ASGR1: variants seen among roughly 807,000 people sequenced by gnomAD.
ASGR1 encodes C-type lectin domain family 4 member H1.
ASGR1 carries 35 observed loss-of-function variants against 33.1 expected under a neutral mutation model. The ratio of observed to expected loss-of-function variants is 1.06; its 90% CI spans 0.81 to 1.40. ASGR1 has a LOEUF of 1.40. Among genes scored for constraint, ASGR1 ranks in the 40% most tolerant of loss-of-function variants. The pLI, the probability that ASGR1 is intolerant of heterozygous loss-of-function variation, is 0.00. For synonymous variants in ASGR1, 142 were observed against 152.5 expected (o/e 0.93, Z 0.51); for missense variants, 396 against 373.7 (o/e 1.06, Z -0.49).
Position 7,173,886 on chromosome 17 carries a change from G to A in ASGR1, c.702-53C>T. The A allele has an allele frequency of 6.2e-7, 1 of 1,607,674 alleles. No homozygotes were observed. ...AGGAGGTCGGATCCGCAGGCGGGTC[G>A]CTCCAGACTCCTCAGCCCAGGGCCC... On this transcript the variant is annotated intron_variant, in intron 8 of 8. Coordinates refer to ENST00000269299, the MANE Select transcript of ASGR1 (RefSeq NM_001671.5). The surrounding 1 kb of genome is among the most constrained non-coding windows in gnomAD (Gnocchi z 4.7).
In ASGR1 at chr17:7,173,600, A is replaced by T. The variant is rs1445416333; in HGVS notation, c.*59T>A. On this transcript the variant is annotated 3_prime_UTR_variant, in exon 9 of 9. Transcript: ENST00000269299. This position sits in a 1 kb window ranked among gnomAD's most constrained non-coding sequence, Gnocchi z 4.7. ...TCCCGAGAAAGCAGAAGAGGCCCCC[A>T]GATGGGCGGATTCCCAATCCCGGAC... 6.2e-6 allele frequency: 10 copies of T among 1,605,464 alleles called. No homozygotes were observed. The Admixed American group carries it at 1.5e-4, about 24-fold the overall frequency.
rs112059971 is a variant in ASGR1, at chr17:7,178,589, C to A, written c.-25-1G>T. 7.5e-6 allele frequency: 12 copies of A among 1,609,658 alleles called. No individual in the cohort carries two copies. The Admixed American group carries it at 1.7e-4, about 22-fold the overall frequency. ...GATAGGGCTGGCGCTGGACCTGGGA[C>A]TGAGTCAAGACTGAGGCTGGGGCTG... On this transcript the variant is annotated splice_acceptor_variant, in intron 1 of 8. Transcript: ENST00000269299. LOFTEE classifies it low-confidence loss of function (5UTR_SPLICE).
rs1267248033 is a variant in ASGR1 at position 7,174,158 on chromosome 17, C to T, written c.574G>A (p.Val192Ile). The T allele has an allele frequency of 1.9e-6, 3 of 1,614,096 alleles. No individual in the cohort carries two copies. Among genetic ancestry groups the T allele is most frequent in the South Asian group, 2.2e-5 (2 of 91,078 alleles). ...CRLEDAHLVV[V>I]TSWEEQKFVQ... The stretch of plus-strand genomic sequence containing the variant: ...CTCACCTGCTCCTCCCAGGACGTGA[C>T]CACCACCAGGTGCGCGTCCTCCAGC... Residue 192 changes from valine (V) to isoleucine (I), a missense_variant, in exon 7 of 9, where the codon GTC becomes ATC. Transcript: ENST00000269299.
Position 7,176,704 on chromosome 17 carries a change from T to TCA in ASGR1, c.355+124_355+125dup, listed in dbSNP as rs113815158. 1,545 of 1,335,916 alleles carry TCA rather than the reference T, an allele frequency of 1.2e-3. 3 individuals are homozygous for TCA. Among genetic ancestry groups the TCA allele is most frequent in the Admixed American group, 2.7e-3 (136 of 50,262 alleles). 82.8% of individuals were successfully genotyped at this position (1,335,916 alleles called of 1,614,324 possible). On this transcript the variant is annotated intron_variant, in intron 5 of 8. Coordinates refer to ENST00000269299, the MANE Select transcript of ASGR1 (RefSeq NM_001671.5). ...CTCCCCCTCATTCTCACACACAGACTCACACACACACACACTCCCTCTCAT... is the reference window on the plus strand; with the variant it reads ...CTCCCCCTCATTCTCACACACAGACTCACACACACACACACACTCCCTCTCAT...
Position 7,173,807 on chromosome 17 carries a change from T to C in ASGR1, c.728A>G (p.Asp243Gly). 2 of 1,611,436 alleles carry C rather than the reference T, an allele frequency of 1.2e-6. No homozygotes were observed. The highest frequency in any genetic ancestry group is 1.7e-6 in the Non-Finnish European group (2 of 1,179,542). The change falls in exon 9 of 9, where the codon GAC becomes GGC. Residue 243 changes from aspartate (D) to glycine (G), a missense_variant. Physicochemically the swap from Asp to Gly is moderately conservative, Grantham distance 94. Transcript: ENST00000269299. This position sits in a 1 kb window ranked among gnomAD's most constrained non-coding sequence, Gnocchi z 4.7. ...TCCTCCGAGCCCGTGGCCGTACCAG[T>C]CGTCCGGCTGCTCCGGCCTCCAGTT... ...FKNWRPEQPD[D>G]WYGHGLGGGE... is the part of the protein sequence containing the mutation.
At chr17:7,175,011 TACAC>T (rs886677547) in intron 5 of ASGR1, among the ~76,000 whole-genome samples, 2 of 127,114 alleles carry the variant, frequency 1.6e-5, no homozygotes, top group Admixed American at 8.0e-5. Flanking sequence ...CTAACTCACA[TACAC>T]ACTCACACAA....
At chr17:7,176,718 ACT>A (rs1177222137) in intron 5 of ASGR1, 110 bp downstream of exon 5, 9 of 1,442,810 alleles carry the variant, frequency 6.2e-6, no homozygotes, top group Non-Finnish European at 7.6e-6. Flanking sequence ...ACACACACAC[ACT>A]CCCTCTCATT....
intron 2 of ASGR1, 137 bp downstream of exon 2, chr17:7,178,357 A>G: frequency 1.1e-6 from 1 of 920,224 alleles, no homozygotes; most frequent in Non-Finnish European, 1.7e-6. Flanking sequence ...GGCAGTTCCG[A>G]CACCTTTCCC....
Position 7,176,750 on chromosome 17 carries a change from A to T in ASGR1, c.355+80T>A, listed in dbSNP as rs12945299. Reference sequence around the variant, plus strand: ...CTCATTCTCACACACATCCACACACACTCACACTTTCTCACACACATCCAC... The same window carrying T: ...CTCATTCTCACACACATCCACACACTCTCACACTTTCTCACACACATCCAC... On this transcript the variant is annotated intron_variant, in intron 5 of 8. Coordinates refer to ENST00000269299, the MANE Select transcript of ASGR1 (RefSeq NM_001671.5). 5.1e-6 allele frequency: 8 copies of T among 1,558,380 alleles called. No homozygotes were observed. The East Asian group carries it at 1.4e-4, about 26-fold the overall frequency.
chr17:7,176,536 C>CA (rs1214527348), intron 5 of ASGR1: 6 of 528,698 alleles, frequency 1.1e-5, no homozygotes, highest in East Asian at 3.4e-5. Context: ...CCCACACACA[C>CA]ACCATCTCAT....
chr17:7,176,409 ACT>A (rs2069209172), intron 5 of ASGR1, among the ~76,000 whole-genome samples: 1 of 144,998 alleles, frequency 6.9e-6, no homozygotes, highest in South Asian at 2.2e-4. Context: ...TCATTATCAC[ACT>A]CACAGACACA....
At chr17:7,174,486 G>T in intron 5 of ASGR1, 26 bp from the exon 6 acceptor site, 2 of 1,603,756 alleles carry the variant, frequency 1.2e-6, no homozygotes, top group African/African-American at 1.3e-5. Flanking sequence ...GGAGGGGAGC[G>T]GGAGGAGATG....
rs765939894 is a variant in ASGR1, at chr17:7,174,077, G to A, written c.595-10C>T. 3.7e-6 allele frequency: 6 copies of A among 1,614,220 alleles called. No homozygotes were observed. Among genetic ancestry groups the A allele is most frequent in the Non-Finnish European group, 5.1e-6 (6 of 1,180,010 alleles). The stretch of plus-strand genomic sequence containing the variant: ...GGTGCTGGACAAATTTCTGAGGAGA[G>A]AGAAGGCGGGTGGTGATCTCTCCGA... On this transcript the variant is annotated splice_polypyrimidine_tract_variant and intron_variant, in intron 7 of 8. Transcript: ENST00000269299.
chr17:7,177,546 C>G lies in ASGR1; in HGVS notation c.71-220G>C, dbSNP rs143171800. Reference sequence around the variant, plus strand: ...GGGGCTAAGCGCTGAGCCGCCCCATCCCACCGAGGCCCTGAGCTTTTGCTG... The same window carrying G: ...GGGGCTAAGCGCTGAGCCGCCCCATGCCACCGAGGCCCTGAGCTTTTGCTG... On this transcript the variant is annotated intron_variant, in intron 2 of 8. Transcript: ENST00000269299. The G allele has an allele frequency of 1.1e-3, 563 of 524,900 alleles. 2 individuals are homozygous for G. Among genetic ancestry groups the G allele is most frequent in the African/African-American group, 0.01 (522 of 51,858 alleles). 32.5% of individuals were successfully genotyped at this position (524,900 alleles called of 1,614,324 possible). A position where few individuals can be genotyped will look rare whatever the true frequency, so the allele number is the denominator to read the frequency against.
intron 2 of ASGR1, chr17:7,177,779 AT>A (rs2142769803): frequency 5.9e-6 from 1 of 170,270 alleles, no homozygotes; most frequent in South Asian, 1.3e-4. Context: ...AATAGCTACC[AT>A]TCAGGCCCTC....
intron 2 of ASGR1, 142 bp from the exon 3 acceptor site, chr17:7,177,468 C>T (rs770742164): frequency 6.3e-6 from 4 of 633,382 alleles, no homozygotes; most frequent in Non-Finnish European, 1.1e-5. Context: ...CGGTGGGCGA[C>T]CCTGCAGGGC....
intron 5 of ASGR1, among the ~76,000 whole-genome samples, chr17:7,175,513 CATAT>C (rs200025328): frequency 1.1e-4 from 16 of 151,248 alleles, no homozygotes; most frequent in Non-Finnish European, 4.4e-5. Context: ...CCACAACACA[CATAT>C]ACTCTTTCAC....
intron 2 of ASGR1, 21 bp downstream of exon 2, chr17:7,178,473 G>T (rs1440177153): frequency 1.2e-6 from 2 of 1,611,840 alleles, no homozygotes; most frequent in Non-Finnish European, 1.7e-6. Context: ...CCTTGCAGAG[G>T]CAGGGCAAGG....
intron 2 of ASGR1, 198 bp from the exon 3 acceptor site, chr17:7,177,524 G>A: frequency 1.8e-6 from 1 of 565,580 alleles, no homozygotes; most frequent in African/African-American, 1.9e-5. Context: ...GGGGAAGGGG[G>A]CTAAGCGCTG....
Sources: gnomAD v4.1 joint callset for allele counts (sites outside exome capture counted in the v4.1 genomes callset) on GRCh38, gnomAD v4.1.1 for gene constraint, Gnocchi (gnomAD v3.1) non-coding constraint, MANE v1.5 for transcripts, NCBI Gene and HGNC (gene_info 2026-07-23, HGNC 2026-07-21) for gene names.